The following TSPEAR variants were observed in gnomAD, a reference collection of about 807,000 sequenced individuals.
TSPEAR encodes the protein thrombospondin-type laminin G domain and EAR repeat-containing protein.
In TSPEAR, 69 loss-of-function variants were observed where a neutral mutation model predicts 71.6. That is an observed-to-expected ratio of 0.96 (90% CI 0.79 to 1.18). The LOEUF is 1.18. TSPEAR is among the 50% of genes most tolerant of loss of function. The pLI is 0.00. For missense variants in TSPEAR, 971 were observed against 894.9 expected (o/e 1.09, Z -1.09); for synonymous variants, 402 against 387.2 (o/e 1.04, Z -0.45).
intron 1 of TSPEAR, among the ~76,000 whole-genome samples, chr21:44,573,219 C>G (rs1978290456): frequency 6.6e-6 from 1 of 152,134 alleles, no homozygotes; most frequent in Admixed American, 6.5e-5. Flanking sequence ...CCTAAGCTTT[C>G]AATCACAGAG....
At chr21:44,651,740 G>A (rs1454988595) in intron 1 of TSPEAR, among the ~76,000 whole-genome samples, 1 of 152,184 alleles carries the variant, frequency 6.6e-6, no homozygotes, top group Non-Finnish European at 1.5e-5. Flanking sequence ...CCACACGTGT[G>A]AAGTCCCTGC....
rs2052842855 is a variant in TSPEAR, at chr21:44,525,774, T to C, written c.1215A>G (p.Lys405=). 6.2e-7 allele frequency: 1 copy of C among 1,614,062 alleles called. No homozygotes were observed. Among genetic ancestry groups the C allele is most frequent in the Non-Finnish European group, 8.5e-7 (1 of 1,180,052 alleles). The stretch of plus-strand genomic sequence containing the variant: ...TAAACTTCAGCTTTCTGTGGCTCCA[T>C]TTGTAAATGACAGAGAACTCCTGAC... ...EKGQEFSVIY[K]WSHRKLKFTP... Residue 405 remains lysine, a synonymous_variant, in exon 8 of 12, where the codon AAA becomes AAG. Coordinates refer to ENST00000323084, the MANE Select transcript of TSPEAR (RefSeq NM_144991.3).
chr21:44,660,019 T>C (rs761522577), intron 1 of TSPEAR, among the ~76,000 whole-genome samples: 7 of 152,202 alleles, frequency 4.6e-5, no homozygotes, highest in Non-Finnish European at 1.0e-4. Flanking sequence ...ATCAGTATAC[T>C]TGATACAACC....
intron 1 of TSPEAR, among the ~76,000 whole-genome samples, chr21:44,589,977 A>C (rs1979654082): frequency 6.6e-6 from 1 of 152,220 alleles, no homozygotes; most frequent in African/African-American, 2.4e-5. Flanking sequence ...TTGTCCCTTC[A>C]TGGGGACGTG....
intron 2 of TSPEAR, among the ~76,000 whole-genome samples, chr21:44,557,617 G>T (rs2053554244): frequency 6.6e-6 from 1 of 152,176 alleles, no homozygotes; most frequent in Non-Finnish European, 1.5e-5. Context: ...GCTGAGGCTG[G>T]CAGGAGAACC....
At chr21:44,628,197 C>G (rs1300844638) in intron 1 of TSPEAR, 1 of 963,900 alleles carries the variant, frequency 1.0e-6, no homozygotes, top group Non-Finnish European at 1.5e-6. Flanking sequence ...CAGATGCTCA[C>G]TGGCTCCTCC....
At chr21:44,699,909 C>T (rs1382521775) in intron 1 of TSPEAR, among the ~76,000 whole-genome samples, 1 of 152,190 alleles carries the variant, frequency 6.6e-6, no homozygotes, top group Non-Finnish European at 1.5e-5. Flanking sequence ...GACTCCACCC[C>T]GTCCCCCGCC....
chr21:44,537,014 C>T (rs1429221590), intron 2 of TSPEAR, among the ~76,000 whole-genome samples: 1 of 152,104 alleles, frequency 6.6e-6, no homozygotes, highest in Non-Finnish European at 1.5e-5. Context: ...TATTTTAGAC[C>T]TATAGAAGAA....
At chr21:44,707,349 G>A (rs1342102144) in intron 1 of TSPEAR, among the ~76,000 whole-genome samples, 1 of 152,188 alleles carries the variant, frequency 6.6e-6, no homozygotes, top group African/African-American at 2.4e-5. Context: ...AGGGTGAGGG[G>A]TAGTGGCAGA....
At chr21:44,587,678 C>T (rs1979426407) in intron 1 of TSPEAR, among the ~76,000 whole-genome samples, 1 of 152,168 alleles carries the variant, frequency 6.6e-6, no homozygotes, top group African/African-American at 2.4e-5. Context: ...AAAATAGGCA[C>T]ATAGACCAAT....
At chr21:44,637,953 G>A in intron 1 of TSPEAR, 2 of 1,614,004 alleles carry the variant, frequency 1.2e-6, no homozygotes, top group Non-Finnish European at 1.7e-6. Context: ...CCTGCTTGCT[G>A]CACCGCCTCC....
rs181512003 is a variant in TSPEAR at position 44,679,745 on chromosome 21, C to T, written c.82+31688G>A. The stretch of plus-strand genomic sequence containing the variant: ...CAGAAATAAATCCATATATTTACAG[C>T]CAATTGATTTTCAACAAAGGTGCCA... On this transcript the variant is annotated intron_variant, in intron 1 of 11. Coordinates refer to ENST00000323084, the MANE Select transcript of TSPEAR (RefSeq NM_144991.3). 2.0e-5 allele frequency among the ~76,000 whole-genome samples: 3 copies of T among 152,214 alleles called. No individual in the cohort carries two copies. In the East Asian group the frequency reaches 5.8e-4, roughly 29 times the overall value.
chr21:44,591,123 G>A (rs994640192), intron 1 of TSPEAR: 15 of 591,064 alleles, frequency 2.5e-5, no homozygotes, highest in African/African-American at 1.5e-4. Context: ...AGACAGAGGC[G>A]GCTTTATTAG....
At chr21:44,507,836 G>A (rs960299247) in intron 10 of TSPEAR, among the ~76,000 whole-genome samples, 5 of 152,214 alleles carry the variant, frequency 3.3e-5, no homozygotes, top group Non-Finnish European at 5.9e-5. Context: ...TGCCACCGCC[G>A]CCCCGTGCCT....
intron 2 of TSPEAR, chr21:44,557,903 G>A: frequency 2.1e-6 from 2 of 950,112 alleles, no homozygotes; most frequent in Non-Finnish European, 3.1e-6. Flanking sequence ...ATGCATGCCT[G>A]GAGGGAATCG....
intron 9 of TSPEAR, among the ~76,000 whole-genome samples, chr21:44,511,923 G>C (rs971428064): frequency 6.6e-6 from 1 of 152,268 alleles, no homozygotes; most frequent in Non-Finnish European, 1.5e-5. Context: ...TCAGTGATGA[G>C]TGAGGTGCCC....
chr21:44,547,308 T>C (rs587609007), intron 2 of TSPEAR, among the ~76,000 whole-genome samples: 42 of 152,336 alleles, frequency 2.8e-4, no homozygotes, highest in Non-Finnish European at 4.3e-4. Context: ...TAATTCTTTG[T>C]CTGTGATTTT....
intron 8 of TSPEAR, 50 bp downstream of exon 8, chr21:44,525,585 CCTGCCTGCAAGTCTCGCT>C: frequency 1.3e-6 from 2 of 1,504,740 alleles, no homozygotes; most frequent in Non-Finnish European, 1.8e-6. Context: ...ACACATTCGC[CCTGCCTGCAAGTCTCGCT>C]CTGCCCCTGG....
intron 1 of TSPEAR, among the ~76,000 whole-genome samples, chr21:44,645,443 A>C (rs1984265340): frequency 2.0e-5 from 3 of 147,760 alleles, no homozygotes; most frequent in African/African-American, 5.0e-5. Flanking sequence ...TGCAACCTCC[A>C]CCTCCTGGGT....
Sources: gnomAD v4.1 joint callset for allele counts (sites outside exome capture counted in the v4.1 genomes callset) on GRCh38, gnomAD v4.1.1 for gene constraint, MANE v1.5 for transcripts, NCBI Gene and HGNC (gene_info 2026-07-23, HGNC 2026-07-21) for gene names.